JPH1: variants seen among roughly 807,000 people sequenced by gnomAD.
JPH1 encodes the protein junctophilin-1.
In JPH1, 12 loss-of-function variants were observed where a neutral mutation model predicts 53.6. That is an observed-to-expected ratio of 0.22 (90% CI 0.14 to 0.36). The LOEUF (loss-of-function observed/expected upper bound fraction) is 0.36, where lower values mean the gene tolerates loss of function less well. Ranked by LOEUF, JPH1 falls within the 10% of genes least tolerant of loss-of-function variation. The probability of loss-of-function intolerance (pLI) is 1.00; values close to 1 mark genes in which losing one functional copy is unlikely to be tolerated. For missense variants in JPH1, 808 were observed against 905.5 expected (o/e 0.89, Z 1.38); for synonymous variants, 375 against 363.8 (o/e 1.03, Z -0.35).
rs900760449 is a variant in JPH1 at position 74,244,908 on chromosome 8, A to G, written c.1526T>C (p.Ile509Thr). The change falls in exon 4 of 6, where the codon ATT (isoleucine) becomes ACT (threonine). Residue 509 changes from isoleucine to threonine, a missense_variant. Ile to Thr is a moderately conservative substitution (Grantham distance 89). Transcript: ENST00000342232. ...RSVADEQVTAIVNKPLMSKAP... is the reference protein window; with the variant it reads ...RSVADEQVTATVNKPLMSKAP... ...CTTTGACATCAAGGGCTTATTGACA[A>G]TGGCCGTCACCTGCTCATCAGCCAC... 6.2e-6 allele frequency: 10 copies of G among 1,614,142 alleles called. No homozygotes were observed. The highest frequency in any genetic ancestry group is 5.9e-6 in the Non-Finnish European group (7 of 1,180,036).
In JPH1 at chr8:74,244,840, A is replaced by G. The variant is rs1805806500; in HGVS notation, c.1594T>C (p.Tyr532His). Residue 532 changes from tyrosine (Y) to histidine (H), a missense_variant, in exon 4 of 6, where the codon TAC becomes CAC. Coordinates refer to ENST00000342232, the MANE Select transcript of JPH1 (RefSeq NM_020647.4). ...TTGGGGATGTGGTGGCGGCCAGAGTACTTGGACTGGGGCACAACCGCTCCT... is the reference window on the plus strand; with the variant it reads ...TTGGGGATGTGGTGGCGGCCAGAGTGCTTGGACTGGGGCACAACCGCTCCT... ...EAGAVVPQSK[Y>H]SGRHHIPNPS... 10 of 1,614,158 alleles carry G rather than the reference A, an allele frequency of 6.2e-6. No homozygotes were observed. Among genetic ancestry groups the G allele is most frequent in the Non-Finnish European group, 7.6e-6 (9 of 1,180,020 alleles).
intron 4 of JPH1, among the ~76,000 whole-genome samples, chr8:74,239,695 G>A (rs1231920224): frequency 6.6e-6 from 1 of 152,192 alleles, no homozygotes; most frequent in Non-Finnish European, 1.5e-5. Flanking sequence ...GACCCTAAGT[G>A]TTTGGGGTTT....
chr8:74,293,995 T>C (rs1445220829), intron 2 of JPH1, among the ~76,000 whole-genome samples: 4 of 152,160 alleles, frequency 2.6e-5, no homozygotes, highest in Non-Finnish European at 5.9e-5. Context: ...CCCCCTTCAC[T>C]GCAGGAAAGG....
At chr8:74,291,213 A>G (rs1192184023) in intron 2 of JPH1, among the ~76,000 whole-genome samples, 5 of 152,258 alleles carry the variant, frequency 3.3e-5, no homozygotes, top group African/African-American at 1.2e-4. Context: ...AATGGGAGAA[A>G]ATTTTTACAA....
chr8:74,314,197 T>A (rs911277459), intron 2 of JPH1, among the ~76,000 whole-genome samples: 1 of 152,224 alleles, frequency 6.6e-6, no homozygotes, highest in Non-Finnish European at 1.5e-5. Flanking sequence ...TGACCTAATC[T>A]CTTCTGCATA....
chr8:74,253,287 T>C (rs958091617), intron 3 of JPH1, among the ~76,000 whole-genome samples: 14 of 152,128 alleles, frequency 9.2e-5, no homozygotes, highest in African/African-American at 2.9e-4. Flanking sequence ...TGCTCCTAAA[T>C]GACTACTAGG....
At chr8:74,276,880 CCTT>C (rs1436320191) in intron 2 of JPH1, among the ~76,000 whole-genome samples, 1 of 152,136 alleles carries the variant, frequency 6.6e-6, no homozygotes, top group Non-Finnish European at 1.5e-5. Context: ...ATACAGTTCT[CCTT>C]ATTGTATGAG....
At chr8:74,254,883 T>C (rs370358913) in intron 3 of JPH1, among the ~76,000 whole-genome samples, 1 of 151,936 alleles carries the variant, frequency 6.6e-6, no homozygotes, top group South Asian at 2.1e-4. Context: ...CACTGCTCAA[T>C]GAAATAAAAG....
At chr8:74,282,689 G>A (rs760097100) in intron 2 of JPH1, among the ~76,000 whole-genome samples, 1 of 152,120 alleles carries the variant, frequency 6.6e-6, no homozygotes. Flanking sequence ...AGCCAGAGGA[G>A]GTTAACTGAG....
At chr8:74,256,231 T>C (rs1339895625) in intron 3 of JPH1, among the ~76,000 whole-genome samples, 2 of 152,158 alleles carry the variant, frequency 1.3e-5, no homozygotes, top group African/African-American at 4.8e-5. Flanking sequence ...GATGAGTTCA[T>C]GTCCTTTGTA....
intron 3 of JPH1, among the ~76,000 whole-genome samples, chr8:74,256,113 T>C (rs960151911): frequency 5.9e-5 from 9 of 152,156 alleles, no homozygotes; most frequent in Admixed American, 2.6e-4. Flanking sequence ...TGCAGCACTA[T>C]TGACAATAGC....
chr8:74,242,765 T>C lies in JPH1; in HGVS notation c.1905+1764A>G, dbSNP rs112084032. Among the ~76,000 whole-genome samples, 599 of 152,330 alleles carry C rather than the reference T, an allele frequency of 3.9e-3. 3 individuals carry two copies. The highest frequency in any genetic ancestry group is 0.013 in the African/African-American group (521 of 41,574). ...AGGGTAGCTGCGGAGCTGCTGGGGC[T>C]TCCCTTCCCCCTTGGGGTGTAGAGG... On this transcript the variant is annotated intron_variant, in intron 4 of 5. Coordinates refer to ENST00000342232, the MANE Select transcript of JPH1 (RefSeq NM_020647.4).
intron 2 of JPH1, among the ~76,000 whole-genome samples, chr8:74,267,960 G>C (rs1247639335): frequency 6.6e-6 from 1 of 152,140 alleles, no homozygotes; most frequent in East Asian, 1.9e-4. Context: ...CCTAAAACTT[G>C]AAGGAGCCTA....
In JPH1 at chr8:74,285,161, C is replaced by T. The variant is rs1337289716; in HGVS notation, c.1140-25658G>A. Among the ~76,000 whole-genome samples, 9 of 151,854 alleles carry T rather than the reference C, an allele frequency of 5.9e-5. No individual in the cohort carries two copies. The East Asian group carries it at 1.2e-3, about 20-fold the overall frequency. On this transcript the variant is annotated intron_variant, in intron 2 of 5. Coordinates refer to ENST00000342232, the MANE Select transcript of JPH1 (RefSeq NM_020647.4). ...TCTAACTGGAGATTTTTTTTTAAAC[C>T]AACAGGCATTATGGTGTTGTAAAGA...
In JPH1 at chr8:74,237,276, C is replaced by A; in HGVS notation, c.1933G>T (p.Val645Phe). 1 of 1,613,162 alleles carries A rather than the reference C, an allele frequency of 6.2e-7. No individual in the cohort carries two copies. Among genetic ancestry groups the A allele is most frequent in the South Asian group, 1.1e-5 (1 of 90,838 alleles). The part of the protein sequence containing the change: ...SGPNSIMIVL[V>F]MLLNIGLAIL... ...GCCAACCCGATATTCAACAGCATGA[C>A]AAGGACAATCATGATTGAATTAGGG... Residue 645 changes from valine to phenylalanine, a missense_variant, in exon 5 of 6, where the codon GTC becomes TTC. This residue lies in a region of JPH1 where 756 missense variants were observed against 811.9 expected (regional missense o/e 0.93). Transcript: ENST00000342232.
intron 4 of JPH1, among the ~76,000 whole-genome samples, chr8:74,239,402 T>C (rs1358596954): frequency 6.6e-6 from 1 of 152,214 alleles, no homozygotes; most frequent in Non-Finnish European, 1.5e-5. Context: ...TTCAGTCCTT[T>C]AAAATGACAT....
At chr8:74,309,915 C>A (rs1468628453) in intron 2 of JPH1, among the ~76,000 whole-genome samples, 2 of 152,180 alleles carry the variant, frequency 1.3e-5, no homozygotes, top group Non-Finnish European at 2.9e-5. Context: ...AAAACAGATT[C>A]TGCTTATTAT....
In JPH1 at chr8:74,245,183, A is replaced by G; in HGVS notation, c.1259-8T>C. 1 of 1,541,282 alleles carries G rather than the reference A, an allele frequency of 6.5e-7. No individual in the cohort carries two copies. Among genetic ancestry groups the G allele is most frequent in the South Asian group, 1.3e-5 (1 of 77,848 alleles). On this transcript the variant is annotated splice_polypyrimidine_tract_variant and splice_region_variant and intron_variant, in intron 3 of 5. Transcript: ENST00000342232. ...GTTTGACGTAATCAGGGCCTGGCCA[A>G]AAAAAAAAGAAAAAAGAAAAAAAGA...
In JPH1 at chr8:74,321,393, C is replaced by A; in HGVS notation, c.-106G>T. On this transcript the variant is annotated 5_prime_UTR_variant, in exon 1 of 6. Transcript: ENST00000342232. This position sits in a 1 kb window ranked among gnomAD's most constrained non-coding sequence, Gnocchi z 4.3. ...GGGGGCCCGGCGGGCGAGCTCACGACAGCGCCCTGGGCAGCTCGCGCTGCC... is the reference window on the plus strand; with the variant it reads ...GGGGGCCCGGCGGGCGAGCTCACGAAAGCGCCCTGGGCAGCTCGCGCTGCC... 1 of 1,182,630 alleles carries A rather than the reference C, an allele frequency of 8.5e-7. No individual in the cohort carries two copies. The highest frequency in any genetic ancestry group is 1.1e-6 in the Non-Finnish European group (1 of 891,798). 73.3% of individuals were successfully genotyped at this position (1,182,630 alleles called of 1,614,324 possible). A position where few individuals can be genotyped will look rare whatever the true frequency, so the allele number is the denominator to read the frequency against.
Sources: allele counts gnomAD v4.1 joint callset (sites outside exome capture counted in the v4.1 genomes callset), GRCh38; gene constraint gnomAD v4.1.1; regional missense constraint gnomAD v4.1.1; non-coding constraint Gnocchi (gnomAD v3.1); transcripts MANE v1.5; gene names NCBI Gene and HGNC (gene_info 2026-07-23, HGNC 2026-07-21).